POU6F2: variants seen among roughly 807,000 people sequenced by gnomAD.
POU6F2 encodes POU class 6 homeobox 2.
Under a neutral mutation model 71.3 loss-of-function variants are expected in POU6F2, and 31 were observed. The observed-to-expected ratio is 0.43, with a 90% confidence interval of 0.33 to 0.59. The LOEUF (loss-of-function observed/expected upper bound fraction) is 0.59, where lower values mean the gene tolerates loss of function less well. POU6F2 is among the 20% of genes least tolerant of loss of function. The pLI, the probability that POU6F2 is intolerant of heterozygous loss-of-function variation, is 0.04. For synonymous variants in POU6F2, 347 were observed against 355.7 expected (o/e 0.98, Z 0.27); for missense variants, 783 against 856.8 (o/e 0.91, Z 1.07).
At chr7:39,397,554 G>T (rs144183986) in intron 5 of POU6F2, among the ~76,000 whole-genome samples, 1 of 148,506 alleles carries the variant, frequency 6.7e-6, no homozygotes, top group African/African-American at 2.5e-5. Flanking sequence ...GTACAATGGC[G>T]CAATCTGGAC....
chr7:39,196,889 C>A (rs1793798806), intron 2 of POU6F2, among the ~76,000 whole-genome samples: 1 of 152,150 alleles, frequency 6.6e-6, no homozygotes, highest in Non-Finnish European at 1.5e-5. Context: ...AAACTAGTAA[C>A]CCAAAATTGT....
At chr7:39,076,390 G>T (rs1791003962) in intron 1 of POU6F2, among the ~76,000 whole-genome samples, 1 of 152,146 alleles carries the variant, frequency 6.6e-6, no homozygotes, top group South Asian at 2.1e-4. Context: ...TCAGCTGTAG[G>T]GTCTAACACC....
intron 5 of POU6F2, among the ~76,000 whole-genome samples, chr7:39,392,867 A>C (rs1296263630): frequency 2.6e-5 from 4 of 152,150 alleles, no homozygotes; most frequent in Non-Finnish European, 4.4e-5. Context: ...AACATTTCTC[A>C]ATAGTCACAG....
intron 5 of POU6F2, among the ~76,000 whole-genome samples, chr7:39,347,683 A>C (rs2115655272): frequency 9.6e-6 from 1 of 104,090 alleles, no homozygotes; most frequent in South Asian, 2.8e-4. Flanking sequence ...CCAGGCTGGC[A>C]TACAGTGGCA....
At chr7:39,008,737 A>G (rs1421456526) in intron 1 of POU6F2, among the ~76,000 whole-genome samples, 10 of 148,956 alleles carry the variant, frequency 6.7e-5, no homozygotes, top group South Asian at 2.2e-4. Context: ...AGCTTTCTAC[A>G]TATGGCTAGC....
intron 4 of POU6F2, among the ~76,000 whole-genome samples, chr7:39,257,266 A>G (rs1202134257): frequency 6.6e-6 from 1 of 152,214 alleles, no homozygotes; most frequent in East Asian, 1.9e-4. Flanking sequence ...TACTTTGGGG[A>G]AATACATGCA....
At chr7:39,316,188 T>C (rs932910814) in intron 4 of POU6F2, among the ~76,000 whole-genome samples, 39 of 152,192 alleles carry the variant, frequency 2.6e-4, no homozygotes, top group Non-Finnish European at 1.3e-4. Flanking sequence ...ATATTCAACT[T>C]GCTATCTTTT....
intron 4 of POU6F2, among the ~76,000 whole-genome samples, chr7:39,284,658 T>A (rs951497327): frequency 2.6e-5 from 4 of 152,240 alleles, no homozygotes; most frequent in African/African-American, 9.6e-5. Flanking sequence ...TACACAGCTC[T>A]TTCTCTGTGC....
At chr7:39,324,127 A>G (rs1247627862) in intron 4 of POU6F2, among the ~76,000 whole-genome samples, 1 of 152,054 alleles carries the variant, frequency 6.6e-6, no homozygotes, top group Non-Finnish European at 1.5e-5. Flanking sequence ...AAAAGAAAAA[A>G]AAAAGGCTCT....
At chr7:39,108,972 A>G (rs1167681209) in intron 2 of POU6F2, among the ~76,000 whole-genome samples, 3 of 152,174 alleles carry the variant, frequency 2.0e-5, no homozygotes, top group Non-Finnish European at 4.4e-5. Flanking sequence ...AACAACAAAA[A>G]CTTATTGGGA....
At position 39,161,018 on chromosome 7, in the gene POU6F2, G is replaced by GT. The variant is rs138910247; in HGVS notation, c.278-43216dup. On this transcript the variant is annotated intron_variant, in intron 2 of 9. Transcript: ENST00000518318. ...TAGTTCATATTTTGTGCACAGAGTA[G>GT]TAGTAAATTCTGATGAAAGTTCTGG... 9.1e-3 allele frequency among the ~76,000 whole-genome samples: 1,389 copies of GT among 152,236 alleles called. 18 individuals carry two copies. Among genetic ancestry groups the GT allele is most frequent in the African/African-American group, 0.032 (1,335 of 41,522 alleles).
intron 1 of POU6F2, among the ~76,000 whole-genome samples, chr7:38,991,998 C>T (rs772226250): frequency 2.0e-5 from 3 of 152,086 alleles, no homozygotes; most frequent in Non-Finnish European, 4.4e-5. Flanking sequence ...GAAAGCATTG[C>T]TAGAGACCAC....
At chr7:39,306,889 G>T (rs1369729248) in intron 4 of POU6F2, among the ~76,000 whole-genome samples, 1 of 152,180 alleles carries the variant, frequency 6.6e-6, no homozygotes, top group Non-Finnish European at 1.5e-5. Context: ...TCCACGTTAG[G>T]ATTAAGATTG....
chr7:39,358,233 A>G (rs6965821), intron 5 of POU6F2, among the ~76,000 whole-genome samples: 27,939 of 152,112 alleles, frequency 0.18, 2,710 homozygotes, highest in Admixed American at 0.25. Context: ...ACAGAAATAC[A>G]AATGAAATGA....
At chr7:39,391,102 C>G (rs1310119950) in intron 5 of POU6F2, among the ~76,000 whole-genome samples, 1 of 152,142 alleles carries the variant, frequency 6.6e-6, no homozygotes, top group Non-Finnish European at 1.5e-5. Context: ...ATACATTATT[C>G]TTAAAACATT....
rs116648223 is a variant in POU6F2 at position 39,014,788 on chromosome 7, A to G, written c.105+36730A>G. On this transcript the variant is annotated intron_variant, in intron 1 of 9. Transcript: ENST00000518318. ...CAAAGGTCCTGCAGATCATTCTCTC[A>G]CAAATGCTGGAGAGCTCTTTTTCAC... Among the ~76,000 whole-genome samples, 1,217 of 152,168 alleles carry G rather than the reference A, an allele frequency of 8.0e-3. 23 individuals carry two copies. The highest frequency in any genetic ancestry group is 0.027 in the African/African-American group (1,133 of 41,486).
chr7:38,997,441 C>T (rs1199870677), intron 1 of POU6F2, among the ~76,000 whole-genome samples: 2 of 152,198 alleles, frequency 1.3e-5, no homozygotes, highest in Non-Finnish European at 2.9e-5. Flanking sequence ...GAAGCAATAG[C>T]TCCTGCAGCA....
chr7:39,240,880 T>C (rs1470243790), intron 4 of POU6F2, among the ~76,000 whole-genome samples: 1 of 152,162 alleles, frequency 6.6e-6, no homozygotes, highest in East Asian at 1.9e-4. Flanking sequence ...TCATCTCATA[T>C]GTTAAGAATT....
intron 1 of POU6F2, among the ~76,000 whole-genome samples, chr7:39,014,621 A>AT (rs200150526): frequency 4.0e-5 from 6 of 151,896 alleles, no homozygotes; most frequent in Admixed American, 6.6e-5. Context: ...AAAAAGCTGA[A>AT]TTTTTTTTCA....
Sources: gnomAD v4.1 joint callset for allele counts (sites outside exome capture counted in the v4.1 genomes callset) on GRCh38, gnomAD v4.1.1 for gene constraint, MANE v1.5 for transcripts, NCBI Gene and HGNC (gene_info 2026-07-23, HGNC 2026-07-21) for gene names.